PPP1R9A: variants seen among roughly 807,000 people sequenced by gnomAD.
PPP1R9A encodes neurabin-1.
Under a neutral mutation model 141.9 loss-of-function variants are expected in PPP1R9A, and 59 were observed. That is an observed-to-expected ratio of 0.42 (90% confidence interval 0.34 to 0.52). The LOEUF (loss-of-function observed/expected upper bound fraction) is 0.52. Ranked by LOEUF, PPP1R9A falls within the 20% of genes least tolerant of loss-of-function variation. The pLI, the probability that PPP1R9A is intolerant of heterozygous loss-of-function variation, is 0.10. For synonymous variants in PPP1R9A, 500 were observed against 569.7 expected, an observed-to-expected ratio of 0.88 and a Z score of 1.74; for missense variants, 1,444 against 1,611.9, an observed-to-expected ratio of 0.90 and a Z score of 1.78.
chr7:95,230,805 C>T (rs1019820183), intron 8 of PPP1R9A, among the ~76,000 whole-genome samples: 1 of 152,130 alleles, frequency 6.6e-6, no homozygotes, highest in Non-Finnish European at 1.5e-5. Context: ...ATAGAACCTT[C>T]TTCAAGCATA....
At chr7:95,127,816 A>G (rs1823842613) in intron 4 of PPP1R9A, among the ~76,000 whole-genome samples, 1 of 152,122 alleles carries the variant, frequency 6.6e-6, no homozygotes, top group African/African-American at 2.4e-5. Flanking sequence ...GATGGCCTCC[A>G]GTTTCATCCT....
chr7:95,032,835 A>G (rs1377945618), intron 2 of PPP1R9A, among the ~76,000 whole-genome samples: 1 of 152,102 alleles, frequency 6.6e-6, no homozygotes, highest in Non-Finnish European at 1.5e-5. Flanking sequence ...ACCTGTGTAA[A>G]CCACCTCCTA....
At chr7:95,111,113 TTTTC>T in intron 2 of PPP1R9A, 142 bp from the exon 3 acceptor site, 1 of 907,692 alleles carries the variant, frequency 1.1e-6, no homozygotes, top group Non-Finnish European at 1.6e-6. Context: ...TCAATTTTCC[TTTTC>T]TTAACATCTC....
intron 4 of PPP1R9A, among the ~76,000 whole-genome samples, chr7:95,145,693 C>G (rs1385023190): frequency 6.6e-6 from 1 of 152,048 alleles, no homozygotes; most frequent in African/African-American, 2.4e-5. Flanking sequence ...ATGTTCCCCT[C>G]CCTGTGCCCC....
chr7:94,970,803 A>G (rs954756270), intron 2 of PPP1R9A, among the ~76,000 whole-genome samples: 1 of 152,018 alleles, frequency 6.6e-6, no homozygotes, highest in African/African-American at 2.4e-5. Flanking sequence ...AAGAGTAAAC[A>G]GGGTTCTGTA....
intron 2 of PPP1R9A, among the ~76,000 whole-genome samples, chr7:95,101,149 G>A (rs1043134932): frequency 6.6e-6 from 1 of 152,110 alleles, no homozygotes; most frequent in African/African-American, 2.4e-5. Context: ...ACCGCGCCCG[G>A]CCTCTTTGTC....
chr7:95,262,772 A>G (rs1291569020), intron 12 of PPP1R9A, among the ~76,000 whole-genome samples: 1 of 152,212 alleles, frequency 6.6e-6, no homozygotes, highest in Non-Finnish European at 1.5e-5. Flanking sequence ...AAAAAAACTG[A>G]AAAAGGGATT....
intron 2 of PPP1R9A, among the ~76,000 whole-genome samples, chr7:94,944,445 A>ACCCCCCCCCCCCCCC (rs1010581987): frequency 8.0e-6 from 1 of 125,448 alleles, no homozygotes; most frequent in Non-Finnish European, 1.7e-5. Flanking sequence ...AGAAATATCC[A>ACCCCCCCCCCCCCCC]CCCCCCCACC....
chr7:94,917,055 A>G (rs1437953455), intron 2 of PPP1R9A, among the ~76,000 whole-genome samples: 1 of 152,140 alleles, frequency 6.6e-6, no homozygotes, highest in East Asian at 1.9e-4. Flanking sequence ...ACCTCAAGTG[A>G]TCTGACCGCG....
intron 14 of PPP1R9A, among the ~76,000 whole-genome samples, chr7:95,272,106 GATGTCCAAATAACTGCAAC>G (rs1324525209): frequency 2.0e-5 from 3 of 152,150 alleles, no homozygotes; most frequent in Admixed American, 6.5e-5. Flanking sequence ...TTAGTCGCAT[GATGTCCAAATAACTGCAAC>G]ACTCATGGGT....
intron 5 of PPP1R9A, among the ~76,000 whole-genome samples, chr7:95,186,804 T>G (rs1223991279): frequency 2.6e-5 from 4 of 152,112 alleles, no homozygotes. Context: ...TTATGTGGTG[T>G]GTCTCATTTA....
intron 5 of PPP1R9A, among the ~76,000 whole-genome samples, chr7:95,181,182 A>G (rs1325283933): frequency 6.8e-6 from 1 of 146,612 alleles, no homozygotes; most frequent in Non-Finnish European, 1.5e-5. Flanking sequence ...AGATATATCT[A>G]TCTATATATA....
chr7:94,992,124 T>A (rs1801589940), intron 2 of PPP1R9A, among the ~76,000 whole-genome samples: 1 of 152,192 alleles, frequency 6.6e-6, no homozygotes, highest in Admixed American at 6.5e-5. Flanking sequence ...CACCCCAAAG[T>A]TTTCTTTGAG....
chr7:94,987,013 C>G (rs866765265), intron 2 of PPP1R9A, among the ~76,000 whole-genome samples: 18 of 152,258 alleles, frequency 1.2e-4, no homozygotes, highest in African/African-American at 4.1e-4. Context: ...GGCCACTTTT[C>G]TCTTATAATT....
At chr7:95,259,287 CTT>C (rs908863116) in intron 12 of PPP1R9A, among the ~76,000 whole-genome samples, 1 of 144,558 alleles carries the variant, frequency 6.9e-6, no homozygotes. Flanking sequence ...ACATGGTTGT[CTT>C]TTTTTTTTTC....
At chr7:95,093,336 A>G (rs920363541) in intron 2 of PPP1R9A, among the ~76,000 whole-genome samples, 1 of 152,178 alleles carries the variant, frequency 6.6e-6, no homozygotes, top group Non-Finnish European at 1.5e-5. Flanking sequence ...AACCACTTTT[A>G]TATATTTACA....
At chr7:95,270,833 T>C (rs898060383) in intron 14 of PPP1R9A, among the ~76,000 whole-genome samples, 2 of 152,210 alleles carry the variant, frequency 1.3e-5, no homozygotes, top group African/African-American at 4.8e-5. Context: ...AAAATATTCA[T>C]TGAATTAATG....
intron 4 of PPP1R9A, 49 bp from the exon 5 acceptor site, chr7:95,161,818 A>G: frequency 8.1e-7 from 1 of 1,231,396 alleles, no homozygotes; most frequent in Non-Finnish European, 1.1e-6. Context: ...TATTACATAA[A>G]TTAATTTTTT....
At chr7:95,234,684 A>G (rs1467834079) in intron 8 of PPP1R9A, among the ~76,000 whole-genome samples, 1 of 152,172 alleles carries the variant, frequency 6.6e-6, no homozygotes, top group African/African-American at 2.4e-5. Flanking sequence ...ACTAAAATTC[A>G]TATGGAACCA....
Sources: allele counts gnomAD v4.1 joint callset (sites outside exome capture counted in the v4.1 genomes callset), GRCh38; gene constraint gnomAD v4.1.1; transcripts MANE v1.5; gene names NCBI Gene and HGNC (gene_info 2026-07-23, HGNC 2026-07-21).